The following DGKB variants were observed in gnomAD, a reference collection of about 807,000 sequenced individuals.
DGKB encodes 90 kDa diacylglycerol kinase.
In DGKB, 67 loss-of-function variants were observed where a neutral mutation model predicts 114.3. The ratio of observed to expected loss-of-function variants is 0.59; its 90% CI spans 0.48 to 0.72. The LOEUF (loss-of-function observed/expected upper bound fraction) is 0.72. Among genes scored for constraint, DGKB ranks in the 30% least tolerant of loss-of-function variants. The probability of loss-of-function intolerance (pLI) is 0.00; values close to 1 mark genes in which losing one functional copy is unlikely to be tolerated. For missense variants in DGKB, 907 were observed against 975.2 expected (o/e 0.93, Z 0.93); for synonymous variants, 398 against 323.1 (o/e 1.23, Z -2.49).
rs1301667840 is a variant in DGKB, at chr7:14,946,955, T to C, written c.-188+27741A>G. On this transcript the variant is annotated intron_variant, in intron 1 of 4. Coordinates refer to the DGKB transcript ENST00000437998. Reference sequence around the variant, plus strand: ...ACTTCAAAATGAAATAGTTTATTTATAACAATTAAGAAATAAGTCATACTC... The same window carrying C: ...ACTTCAAAATGAAATAGTTTATTTACAACAATTAAGAAATAAGTCATACTC... Among the ~76,000 whole-genome samples, 3 of 151,782 alleles carry C rather than the reference T, an allele frequency of 2.0e-5. No individual in the cohort carries two copies. The Admixed American group carries it at 2.0e-4, about 10-fold the overall frequency.
At chr7:14,862,877 A>C (rs949965135) in intron 1 of DGKB, among the ~76,000 whole-genome samples, 1 of 152,064 alleles carries the variant, frequency 6.6e-6, no homozygotes, top group Non-Finnish European at 1.5e-5. Flanking sequence ...TACTGTGTTA[A>C]ACATATTATA....
At chr7:14,839,843 A>G (rs1847680311) in intron 2 of DGKB, among the ~76,000 whole-genome samples, 1 of 151,938 alleles carries the variant, frequency 6.6e-6, no homozygotes, top group South Asian at 2.1e-4. Flanking sequence ...TAGTTTTTTA[A>G]AATGCCTATG....
chr7:14,839,321 C>T (rs1008853422), intron 2 of DGKB, among the ~76,000 whole-genome samples: 3 of 151,608 alleles, frequency 2.0e-5, no homozygotes, highest in African/African-American at 7.3e-5. Context: ...AATTTTTAAC[C>T]AATTTAGAAA....
At chr7:14,877,000 T>C (rs940281040) in intron 1 of DGKB, among the ~76,000 whole-genome samples, 5 of 152,238 alleles carry the variant, frequency 3.3e-5, no homozygotes, top group Non-Finnish European at 5.9e-5. Flanking sequence ...ACATTTTATG[T>C]GCTAAAACTG....
chr7:14,918,907 C>T (rs1784371358), intron 1 of DGKB, among the ~76,000 whole-genome samples: 1 of 151,752 alleles, frequency 6.6e-6, no homozygotes. Context: ...ACTAAAAATA[C>T]AAAAAATTAG....
intron 1 of DGKB, among the ~76,000 whole-genome samples, chr7:14,961,886 G>C (rs1157197066): frequency 6.6e-6 from 1 of 151,972 alleles, no homozygotes; most frequent in African/African-American, 2.4e-5. Flanking sequence ...CTGCTGCTCA[G>C]AGGATCTAAG....
chr7:14,256,954 C>G (rs899289430), intron 23 of DGKB, among the ~76,000 whole-genome samples: 2 of 151,750 alleles, frequency 1.3e-5, no homozygotes. Context: ...TTGCTGGAGC[C>G]CAGAAGTTTG....
intron 23 of DGKB, among the ~76,000 whole-genome samples, chr7:14,230,958 T>A (rs1400873331): frequency 6.6e-6 from 1 of 152,058 alleles, no homozygotes; most frequent in East Asian, 1.9e-4. Flanking sequence ...ATGTTATAAT[T>A]TGTGTCTTGA....
Position 14,718,649 on chromosome 7 carries a change from C to T in DGKB, c.359G>A (p.Arg120Gln), listed in dbSNP as rs749228389. 1.7e-5 allele frequency: 28 copies of T among 1,611,240 alleles called. No individual in the cohort carries two copies. The highest frequency in any genetic ancestry group is 6.6e-5 in the South Asian group (6 of 90,826). The change falls in exon 6 of 26, where the codon CGG becomes CAG. Residue 120 changes from arginine (R) to glutamine (Q), a missense_variant. Physicochemically the swap from Arg to Gln is conservative, Grantham distance 43 (BLOSUM62 1). Transcript: ENST00000402815. ...RMNKGAITPP[R>Q]TTSPANTCSP... is the part of the protein sequence containing the mutation. ...ACACGTATTTGCAGGAGAAGTAGTC[C>T]GGGGAGGGGTGATGGCACCTTTATT...
chr7:14,554,463 T>TTGGGTTTCCCAA (rs1563494336), intron 20 of DGKB, among the ~76,000 whole-genome samples: 1 of 152,248 alleles, frequency 6.6e-6, no homozygotes, highest in Non-Finnish European at 1.5e-5. Context: ...AACTATTATG[T>TTGGGTTTCCCAA]CTTTAAATAT....
At chr7:14,816,379 T>G (rs1191931219) in intron 2 of DGKB, 1 of 152,140 alleles carries the variant, frequency 6.6e-6, no homozygotes, top group Non-Finnish European at 1.5e-5. Context: ...TCATGTTCCT[T>G]TTCATTCTCC....
intron 1 of DGKB, among the ~76,000 whole-genome samples, chr7:14,925,993 T>A (rs1028173676): frequency 1.3e-5 from 2 of 152,168 alleles, no homozygotes; most frequent in Non-Finnish European, 2.9e-5. Flanking sequence ...TCTTGAACAT[T>A]CAGTTTTTCA....
chr7:14,304,045 GAA>G (rs1804014773), intron 23 of DGKB, among the ~76,000 whole-genome samples: 1 of 56,862 alleles, frequency 1.8e-5, no homozygotes, highest in Non-Finnish European at 3.4e-5. Context: ...TGTTCTTATA[GAA>G]CACACACACA....
rs532867674 is a variant in DGKB, at chr7:14,167,947, C to G, written c.2304+8892G>C. Among the ~76,000 whole-genome samples, 10 of 152,150 alleles carry G rather than the reference C, an allele frequency of 6.6e-5. No individual in the cohort carries two copies. In the South Asian group the frequency reaches 1.9e-3, roughly 28 times the overall value. ...CTCAAGATATGAATCACAGAAAAAT[C>G]TCAAAAACACACAAGGGGAAATATA... On this transcript the variant is annotated intron_variant, in intron 25 of 25. Coordinates refer to ENST00000402815, the MANE Select transcript of DGKB (RefSeq NM_001350709.2).
chr7:14,920,446 G>C (rs766963746), intron 1 of DGKB, among the ~76,000 whole-genome samples: 6 of 152,022 alleles, frequency 3.9e-5, no homozygotes, highest in Non-Finnish European at 5.9e-5. Flanking sequence ...GAACAATAAG[G>C]TGCCATGATA....
chr7:14,433,144 CG>C, intron 21 of DGKB, among the ~76,000 whole-genome samples: 1 of 152,220 alleles, frequency 6.6e-6, no homozygotes, highest in South Asian at 2.1e-4. Context: ...GGGAGCACGT[CG>C]TATCTATTGA....
chr7:14,371,171 T>C (rs984079189), intron 21 of DGKB, among the ~76,000 whole-genome samples: 1 of 152,134 alleles, frequency 6.6e-6, no homozygotes, highest in Non-Finnish European at 1.5e-5. Context: ...TTATTTTCTT[T>C]TGGATATATA....
intron 23 of DGKB, among the ~76,000 whole-genome samples, chr7:14,328,226 T>C (rs1338118131): frequency 6.6e-6 from 1 of 152,124 alleles, no homozygotes; most frequent in Non-Finnish European, 1.5e-5. Context: ...AACAAGTCAG[T>C]GTGCTAAGGG....
At chr7:14,592,542 G>A (rs571307328) in intron 17 of DGKB, among the ~76,000 whole-genome samples, 7 of 151,870 alleles carry the variant, frequency 4.6e-5, no homozygotes, top group Admixed American at 2.6e-4. Context: ...TGATGTTACC[G>A]TTGTTTTTGA....
Sources: allele counts gnomAD v4.1 joint callset (sites outside exome capture counted in the v4.1 genomes callset), GRCh38; gene constraint gnomAD v4.1.1; transcripts MANE v1.5; gene names NCBI Gene and HGNC (gene_info 2026-07-23, HGNC 2026-07-21).